MIGA1: variants seen among roughly 807,000 people sequenced by gnomAD.
MIGA1 encodes the protein family with sequence similarity 73, member A.
In MIGA1, 58 loss-of-function variants were observed where a neutral mutation model predicts 82.0. The observed-to-expected ratio is 0.71, with a 90% CI of 0.57 to 0.88. The LOEUF is 0.88. Among genes scored for constraint, MIGA1 ranks in the 40% least tolerant of loss-of-function variants. The probability of loss-of-function intolerance (pLI) is 0.00; values close to 1 mark genes in which losing one functional copy is unlikely to be tolerated. For synonymous variants in MIGA1, 249 were observed against 253.6 expected (o/e 0.98, Z 0.17); for missense variants, 751 against 749.1 (o/e 1.00, Z -0.03).
At position 77,871,375 on chromosome 1, in the gene MIGA1, G is replaced by A. The variant is rs184480786; in HGVS notation, c.1564-1629G>A. ...AAATTAGCTGGGCATGGTGGTGCAC[G>A]CTTGTAATCCCAGCTACTCAGGAGG... On this transcript the variant is annotated intron_variant, in intron 14 of 15. Transcript: ENST00000370791. 1.3e-4 allele frequency among the ~76,000 whole-genome samples: 20 copies of A among 152,106 alleles called. 1 individual carries two copies. In the East Asian group the frequency reaches 3.7e-3, roughly 28 times the overall value.
chr1:77,821,545 A>G (rs1233433943), intron 7 of MIGA1, among the ~76,000 whole-genome samples: 1 of 151,824 alleles, frequency 6.6e-6, no homozygotes, highest in Non-Finnish European at 1.5e-5. Context: ...ACAGGCATGC[A>G]CCACCATGCC....
chr1:77,831,095 T>C (rs1186386408), intron 7 of MIGA1, among the ~76,000 whole-genome samples: 2 of 152,216 alleles, frequency 1.3e-5, no homozygotes, highest in Non-Finnish European at 2.9e-5. Context: ...TTTCTTCCCA[T>C]ACCTCACAAT....
At chr1:77,801,985 C>G (rs1682902825) in intron 3 of MIGA1, among the ~76,000 whole-genome samples, 1 of 151,988 alleles carries the variant, frequency 6.6e-6, no homozygotes, top group East Asian at 1.9e-4. Flanking sequence ...CCCCATTGTT[C>G]CCTTTAGGAT....
At chr1:77,847,188 A>T in intron 8 of MIGA1, 1 of 1,302,364 alleles carries the variant, frequency 7.7e-7, no homozygotes, top group African/African-American at 1.5e-5. Flanking sequence ...AAAAACCGTC[A>T]GTGTTTGGGA....
intron 7 of MIGA1, among the ~76,000 whole-genome samples, chr1:77,829,509 C>T (rs1416648145): frequency 6.6e-6 from 1 of 152,150 alleles, no homozygotes; most frequent in Non-Finnish European, 1.5e-5. Flanking sequence ...CGTTCTGTCA[C>T]CTAGGCTGGA....
intron 10 of MIGA1, chr1:77,859,668 ACT>A: frequency 5.1e-6 from 2 of 395,342 alleles, no homozygotes; most frequent in South Asian, 6.4e-5. Context: ...AAATAAAAAC[ACT>A]CTTTCTTATT....
intron 15 of MIGA1, 69 bp from the exon 16 acceptor site, chr1:77,874,777 A>T: frequency 9.3e-7 from 1 of 1,078,138 alleles, no homozygotes; most frequent in South Asian, 1.4e-5. Context: ...TGCTCATTAT[A>T]ATATTAGAAG....
chr1:77,870,891 G>A (rs1209218127), intron 14 of MIGA1, among the ~76,000 whole-genome samples: 2 of 140,892 alleles, frequency 1.4e-5, no homozygotes, highest in Non-Finnish European at 3.1e-5. Context: ...AGACCAGCCC[G>A]GCCAACACAG....
intron 1 of MIGA1, chr1:77,782,925 T>C (rs1681987435): frequency 3.2e-6 from 3 of 928,880 alleles, no homozygotes; most frequent in African/African-American, 1.8e-5. Context: ...TAAATTTTTA[T>C]GTAACCAGAA....
At chr1:77,783,829 G>T (rs983608098) in intron 2 of MIGA1, among the ~76,000 whole-genome samples, 3 of 151,960 alleles carry the variant, frequency 2.0e-5, no homozygotes, top group Non-Finnish European at 2.9e-5. Context: ...ACATCTTACT[G>T]TACCTCCTTC....
chr1:77,840,656 T>C (rs1007715573), intron 7 of MIGA1, among the ~76,000 whole-genome samples: 41 of 151,956 alleles, frequency 2.7e-4, no homozygotes, highest in African/African-American at 9.2e-4. Context: ...CTACTAAAAA[T>C]ACAAAATTAG....
At chr1:77,811,426 C>A in intron 5 of MIGA1, 7 of 1,571,478 alleles carry the variant, frequency 4.5e-6, no homozygotes, top group East Asian at 4.5e-5. Flanking sequence ...TGCCAAAATT[C>A]TTCTTAATGG....
At chr1:77,847,874 C>G in intron 8 of MIGA1, 1 of 1,582,154 alleles carries the variant, frequency 6.3e-7, no homozygotes, top group Admixed American at 1.7e-5. Flanking sequence ...CAGATGCAGA[C>G]AGTGACTTTG....
chr1:77,849,224 AC>A (rs1362174590), intron 8 of MIGA1, among the ~76,000 whole-genome samples: 1 of 152,034 alleles, frequency 6.6e-6, no homozygotes, highest in Non-Finnish European at 1.5e-5. Flanking sequence ...AGATAACGAG[AC>A]CTTGTCTCTA....
chr1:77,821,210 T>A (rs991953791), intron 7 of MIGA1, among the ~76,000 whole-genome samples: 3 of 152,136 alleles, frequency 2.0e-5, no homozygotes, highest in Admixed American at 6.5e-5. Flanking sequence ...TTGGTGAACT[T>A]ATGGTTAACT....
At chr1:77,855,845 C>T (rs186802865) in intron 8 of MIGA1, among the ~76,000 whole-genome samples, 5 of 152,126 alleles carry the variant, frequency 3.3e-5, no homozygotes, top group Non-Finnish European at 7.4e-5. Context: ...CAAACAGTGA[C>T]AGTTTGACTT....
intron 7 of MIGA1, among the ~76,000 whole-genome samples, chr1:77,824,327 G>A (rs1683949022): frequency 6.6e-6 from 1 of 152,172 alleles, no homozygotes; most frequent in Admixed American, 6.5e-5. Flanking sequence ...TTGGGAGGCT[G>A]AGGCAGGAGG....
At chr1:77,850,070 G>A (rs1175145913) in intron 8 of MIGA1, among the ~76,000 whole-genome samples, 1 of 152,028 alleles carries the variant, frequency 6.6e-6, no homozygotes, top group East Asian at 1.9e-4. Context: ...GGCTTGACTG[G>A]GGCTGAAAGA....
chr1:77,871,023 C>T (rs1250718694), intron 14 of MIGA1, among the ~76,000 whole-genome samples: 41 of 145,468 alleles, frequency 2.8e-4, no homozygotes, highest in Non-Finnish European at 1.2e-4. Flanking sequence ...TGCAGTGAGC[C>T]GAGATGGCAG....
Sources: gnomAD v4.1 joint callset for allele counts (sites outside exome capture counted in the v4.1 genomes callset) on GRCh38, gnomAD v4.1.1 for gene constraint, MANE v1.5 for transcripts, NCBI Gene and HGNC (gene_info 2026-07-23, HGNC 2026-07-21) for gene names.